The following SLC9B1 variants were observed in gnomAD, a reference collection of about 807,000 sequenced individuals.
SLC9B1 encodes the protein solute carrier family 9 member B1, also known as sodium/hydrogen exchanger 9B1.
In SLC9B1, 32 loss-of-function variants were observed where a neutral mutation model predicts 51.7. The ratio of observed to expected loss-of-function variants is 0.62; its 90% CI spans 0.47 to 0.83. The LOEUF (loss-of-function observed/expected upper bound fraction) is 0.83. Among genes scored for constraint, SLC9B1 ranks in the 40% least tolerant of loss-of-function variants. The pLI is 0.00. For synonymous variants in SLC9B1, 145 were observed against 212.7 expected, an observed-to-expected ratio of 0.68 and a Z score of 2.77; for missense variants, 406 against 613.2, an observed-to-expected ratio of 0.66 and a Z score of 3.57.
chr4:102,909,424 G>A (rs1735226428), intron 9 of SLC9B1, among the ~76,000 whole-genome samples: 1 of 151,542 alleles, frequency 6.6e-6, no homozygotes, highest in Non-Finnish European at 1.5e-5. Context: ...CCAACATGGT[G>A]AAACCCCGTC....
chr4:102,911,130 A>G (rs1311584543), intron 8 of SLC9B1, among the ~76,000 whole-genome samples: 1 of 152,206 alleles, frequency 6.6e-6, no homozygotes, highest in African/African-American at 2.4e-5. Context: ...AATTTGGGGG[A>G]AATTATCAAA....
At chr4:102,916,566 A>C (rs1312849780) in intron 7 of SLC9B1, among the ~76,000 whole-genome samples, 1 of 152,210 alleles carries the variant, frequency 6.6e-6, no homozygotes, top group Admixed American at 6.5e-5. Flanking sequence ...AACTTGAACA[A>C]CACTGTAGAC....
intron 3 of SLC9B1, among the ~76,000 whole-genome samples, chr4:102,977,811 T>C (rs546253292): frequency 8.0e-4 from 122 of 152,298 alleles, no homozygotes; most frequent in Admixed American, 1.6e-3. Flanking sequence ...AAACATATTC[T>C]TTTTTTATTA....
intron 3 of SLC9B1, among the ~76,000 whole-genome samples, chr4:102,974,439 G>C (rs1312271828): frequency 6.6e-6 from 1 of 151,716 alleles, no homozygotes; most frequent in African/African-American, 2.4e-5. Flanking sequence ...TAATTAAAAA[G>C]AGAAGGCATA....
intron 1 of SLC9B1, among the ~76,000 whole-genome samples, chr4:103,004,322 G>C (rs1379503838): frequency 4.6e-5 from 7 of 152,078 alleles, no homozygotes; most frequent in African/African-American, 1.7e-4. Flanking sequence ...AATAGACCAA[G>C]CTCAGGAAAT....
At chr4:102,892,658 T>C (rs1310426164) in intron 11 of SLC9B1, 2 of 152,206 alleles carry the variant, frequency 1.3e-5, no homozygotes, top group Non-Finnish European at 2.9e-5. Flanking sequence ...TGTTGTCAGA[T>C]AGATCAGCCA....
At chr4:102,956,395 G>A (rs1264806721) in intron 3 of SLC9B1, among the ~76,000 whole-genome samples, 1 of 151,634 alleles carries the variant, frequency 6.6e-6, no homozygotes, top group African/African-American at 2.4e-5. Context: ...ATATATGGCC[G>A]ATTGGAAAAG....
chr4:103,015,859 G>A (rs555273986), intron 1 of SLC9B1, among the ~76,000 whole-genome samples: 23 of 152,028 alleles, frequency 1.5e-4, no homozygotes, highest in African/African-American at 4.6e-4. Context: ...GGTTGGGTGC[G>A]GTGGCTCACA....
intron 4 of SLC9B1, among the ~76,000 whole-genome samples, chr4:102,949,002 A>G (rs565349130): frequency 1.3e-5 from 2 of 152,296 alleles, no homozygotes; most frequent in East Asian, 3.9e-4. Context: ...AACAGGAATA[A>G]TGTACTAAGG....
At chr4:102,936,761 C>A (rs1471932015) in intron 6 of SLC9B1, among the ~76,000 whole-genome samples, 2 of 151,980 alleles carry the variant, frequency 1.3e-5, no homozygotes, top group Non-Finnish European at 2.9e-5. Flanking sequence ...GTAAAGAGAC[C>A]AAACATATGA....
intron 11 of SLC9B1, chr4:102,891,510 A>G (rs1374946996): frequency 6.6e-6 from 1 of 152,252 alleles, no homozygotes; most frequent in Non-Finnish European, 1.5e-5. Flanking sequence ...GAATCAAGAT[A>G]AGTAGTATGT....
chr4:102,975,925 G>T (rs1453575637), intron 3 of SLC9B1, among the ~76,000 whole-genome samples: 1 of 151,794 alleles, frequency 6.6e-6, no homozygotes, highest in African/African-American at 2.4e-5. Flanking sequence ...ACATTGATGA[G>T]ACCACATAGA....
intron 3 of SLC9B1, among the ~76,000 whole-genome samples, chr4:102,972,748 AAAAT>A (rs1738829892): frequency 6.6e-6 from 1 of 152,214 alleles, no homozygotes; most frequent in East Asian, 1.9e-4. Context: ...ATGTGCATTT[AAAAT>A]AAATAAATTT....
chr4:102,971,754 A>G (rs150197955), intron 3 of SLC9B1, among the ~76,000 whole-genome samples: 2,543 of 152,302 alleles, frequency 0.017, 70 homozygotes, highest in African/African-American at 0.055. Context: ...AAACTAATAA[A>G]GAAGAAAAGA....
intron 7 of SLC9B1, among the ~76,000 whole-genome samples, chr4:102,924,387 A>C (rs905220945): frequency 6.6e-6 from 1 of 152,212 alleles, no homozygotes; most frequent in African/African-American, 2.4e-5. Flanking sequence ...CCTTCCTTAC[A>C]CTTTATATAA....
chr4:102,955,879 AAG>A (rs1560950152), intron 3 of SLC9B1, among the ~76,000 whole-genome samples: 11 of 145,720 alleles, frequency 7.5e-5, no homozygotes. Context: ...GAAAGAAAGA[AAG>A]AAAGAAAGAA....
chr4:102,966,823 A>C (rs1738453845), intron 3 of SLC9B1, among the ~76,000 whole-genome samples: 1 of 152,092 alleles, frequency 6.6e-6, no homozygotes, highest in Non-Finnish European at 1.5e-5. Flanking sequence ...ATTCTCTACC[A>C]CATGGCCAGG....
At chr4:103,015,281 CAAA>C (rs201798527) in intron 1 of SLC9B1, among the ~76,000 whole-genome samples, 11 of 67,794 alleles carry the variant, frequency 1.6e-4, no homozygotes, top group Middle Eastern at 0.011. Flanking sequence ...ATGTATGGAC[CAAA>C]AAAAAAAAAA....
At chr4:102,955,889 GAAAGAA>G (rs746628257) in intron 3 of SLC9B1, among the ~76,000 whole-genome samples, 2 of 138,806 alleles carry the variant, frequency 1.4e-5, no homozygotes, top group Admixed American at 6.9e-5. Flanking sequence ...AAGAAAGAAA[GAAAGAA>G]AGAAAGAGAG....
Sources: gnomAD v4.1 joint callset for allele counts (sites outside exome capture counted in the v4.1 genomes callset) on GRCh38, gnomAD v4.1.1 for gene constraint, MANE v1.5 for transcripts, NCBI Gene and HGNC (gene_info 2026-07-23, HGNC 2026-07-21) for gene names.